Variants in CNTNAP5 observed in about 807,000 individuals in gnomAD.
CNTNAP5 encodes the protein contactin associated protein family member 5.
A neutral mutation model predicts 150.2 loss-of-function variants in CNTNAP5; 72 were observed. The ratio of observed to expected loss-of-function variants is 0.48; its 90% confidence interval spans 0.40 to 0.58. The LOEUF is 0.58. Among genes scored for constraint, CNTNAP5 ranks in the 20% least tolerant of loss-of-function variants. CNTNAP5 has a pLI of 0.00. For synonymous variants in CNTNAP5, 672 were observed against 619.8 expected, an observed-to-expected ratio of 1.08 and a Z score of -1.25; for missense variants, 1,636 against 1,626.2, an observed-to-expected ratio of 1.01 and a Z score of -0.10.
intron 10 of CNTNAP5, among the ~76,000 whole-genome samples, chr2:124,530,019 A>G (rs1007124178): frequency 6.6e-6 from 1 of 152,194 alleles, no homozygotes; most frequent in Non-Finnish European, 1.5e-5. Flanking sequence ...AGACATCTAA[A>G]GTAGAATTCT....
intron 19 of CNTNAP5, among the ~76,000 whole-genome samples, chr2:124,823,449 T>C (rs1682531247): frequency 6.6e-6 from 1 of 152,218 alleles, no homozygotes; most frequent in Non-Finnish European, 1.5e-5. Context: ...ACCAGCTCCA[T>C]GCCCTACTGG....
At chr2:124,702,585 G>A (rs181242975) in intron 13 of CNTNAP5, among the ~76,000 whole-genome samples, 73 of 151,730 alleles carry the variant, frequency 4.8e-4, no homozygotes, top group East Asian at 3.7e-3. Flanking sequence ...TTCCATGGCT[G>A]TTGAGTTTAC....
At chr2:124,466,513 T>C (rs866365994) in intron 6 of CNTNAP5, among the ~76,000 whole-genome samples, 3 of 152,170 alleles carry the variant, frequency 2.0e-5, no homozygotes, top group African/African-American at 7.2e-5. Flanking sequence ...CACAGGGCTT[T>C]GAATCATGCT....
intron 3 of CNTNAP5, among the ~76,000 whole-genome samples, chr2:124,291,458 A>G (rs1688291106): frequency 6.7e-6 from 1 of 148,654 alleles, no homozygotes; most frequent in African/African-American, 2.5e-5. Context: ...TTATCTATTT[A>G]GAAACTATAG....
intron 1 of CNTNAP5, among the ~76,000 whole-genome samples, chr2:124,170,309 A>G (rs2104662842): frequency 6.6e-6 from 1 of 152,136 alleles, no homozygotes; most frequent in East Asian, 1.9e-4. Context: ...TCAGTCACTG[A>G]CATAACCTTT....
chr2:124,893,899 G>A (rs1010962838), intron 21 of CNTNAP5, among the ~76,000 whole-genome samples: 1 of 152,058 alleles, frequency 6.6e-6, no homozygotes, highest in Non-Finnish European at 1.5e-5. Context: ...TGTAAAAAGT[G>A]TATTTCATAA....
intron 13 of CNTNAP5, among the ~76,000 whole-genome samples, chr2:124,726,929 T>C (rs1247095308): frequency 6.6e-6 from 1 of 152,098 alleles, no homozygotes; most frequent in African/African-American, 2.4e-5. Context: ...ATCATGAAGA[T>C]TTTATCCAGT....
At chr2:124,269,827 GGTCAAAACATCCA>G (rs1687698575) in intron 3 of CNTNAP5, among the ~76,000 whole-genome samples, 1 of 152,090 alleles carries the variant, frequency 6.6e-6, no homozygotes, top group South Asian at 2.1e-4. Flanking sequence ...TAGTAAAATA[GGTCAAAACATCCA>G]GTCAAATTGA....
chr2:124,740,754 A>T (rs1680480730), intron 13 of CNTNAP5, among the ~76,000 whole-genome samples: 1 of 152,192 alleles, frequency 6.6e-6, no homozygotes, highest in South Asian at 2.1e-4. Flanking sequence ...TGCAGTCCTT[A>T]TTCTCACACT....
chr2:124,763,633 C>T lies in CNTNAP5; in HGVS notation c.2235-39C>T, dbSNP rs374255195. ...TGGAAAAGAGTCCCTAGATTATCCA[C>T]ATTTTGTCCTCTTTTTTTCTTAAAT... On this transcript the variant is annotated intron_variant, in intron 14 of 23. Transcript: ENST00000682447. 5 of 1,588,728 alleles carry T rather than the reference C, an allele frequency of 3.1e-6. No individual in the cohort carries two copies. The African/African-American group carries it at 6.7e-5, about 21-fold the overall frequency.
intron 1 of CNTNAP5, among the ~76,000 whole-genome samples, chr2:124,060,990 G>C (rs1460021662): frequency 6.6e-6 from 1 of 152,166 alleles, no homozygotes; most frequent in South Asian, 2.1e-4. Flanking sequence ...CCCTGTGAAA[G>C]GTCTGGGGCT....
intron 12 of CNTNAP5, among the ~76,000 whole-genome samples, chr2:124,643,723 C>T (rs971143435): frequency 2.0e-5 from 3 of 152,162 alleles, no homozygotes; most frequent in Admixed American, 1.3e-4. Flanking sequence ...CATTATGATA[C>T]TTCTATGGAT....
chr2:124,159,578 G>A (rs1684626443), intron 1 of CNTNAP5, among the ~76,000 whole-genome samples: 1 of 152,172 alleles, frequency 6.6e-6, no homozygotes, highest in African/African-American at 2.4e-5. Flanking sequence ...ACCATGTTAA[G>A]TTATTTAACC....
chr2:124,539,820 C>T (rs910634060), intron 10 of CNTNAP5, among the ~76,000 whole-genome samples: 3 of 152,078 alleles, frequency 2.0e-5, no homozygotes, highest in Non-Finnish European at 4.4e-5. Context: ...ACATATATAA[C>T]CTATTTTATT....
chr2:124,344,467 C>T (rs1689692156), intron 3 of CNTNAP5, among the ~76,000 whole-genome samples: 1 of 152,106 alleles, frequency 6.6e-6, no homozygotes, highest in South Asian at 2.1e-4. Context: ...AATGATAGGC[C>T]CCATGTAAGT....
chr2:124,736,802 T>C (rs1186041480), intron 13 of CNTNAP5, among the ~76,000 whole-genome samples: 1 of 152,188 alleles, frequency 6.6e-6, no homozygotes, highest in African/African-American at 2.4e-5. Context: ...GTTGTTTCTT[T>C]TTTTTGGCAT....
chr2:124,656,787 T>C (rs1270127305), intron 13 of CNTNAP5, among the ~76,000 whole-genome samples: 2 of 152,304 alleles, frequency 1.3e-5, no homozygotes, highest in South Asian at 2.1e-4. Flanking sequence ...AAAGCCCATG[T>C]CCACTTCCTT....
chr2:124,270,240 C>T lies in CNTNAP5; in HGVS notation c.381+27847C>T, dbSNP rs148862055. ...TGGAGAATCGCTTGAACCTGGGAGA[C>T]GGTGGTTGCAGGGAGCCGAGATTGC... On this transcript the variant is annotated intron_variant, in intron 3 of 23. Transcript: ENST00000682447. Among the ~76,000 whole-genome samples, 15 of 151,808 alleles carry T rather than the reference C, an allele frequency of 9.9e-5. No individual in the cohort carries two copies. In the East Asian group the frequency reaches 1.6e-3, roughly 16 times the overall value.
intron 19 of CNTNAP5, among the ~76,000 whole-genome samples, chr2:124,829,436 A>G (rs918716149): frequency 2.6e-5 from 4 of 152,290 alleles, no homozygotes; most frequent in African/African-American, 9.6e-5. Context: ...GTTGGAAAGC[A>G]TATTTTGAAT....
Sources: gnomAD v4.1 joint callset for allele counts (sites outside exome capture counted in the v4.1 genomes callset) on GRCh38, gnomAD v4.1.1 for gene constraint, MANE v1.5 for transcripts, NCBI Gene and HGNC (gene_info 2026-07-23, HGNC 2026-07-21) for gene names.